SORCS1: variants seen among roughly 807,000 people sequenced by gnomAD.
SORCS1 encodes the protein sortilin related VPS10 domain containing receptor 1.
Under a neutral mutation model 146.1 loss-of-function variants are expected in SORCS1, and 60 were observed. The observed-to-expected ratio is 0.41, with a 90% CI of 0.33 to 0.51. The LOEUF (loss-of-function observed/expected upper bound fraction) is 0.51. Among genes scored for constraint, SORCS1 ranks in the 20% least tolerant of loss-of-function variants. The probability of loss-of-function intolerance (pLI) is 0.21; values close to 1 mark genes in which losing one functional copy is unlikely to be tolerated. For synonymous variants in SORCS1, 637 were observed against 584.0 expected (o/e 1.09, Z -1.31); for missense variants, 1,352 against 1,487.6 (o/e 0.91, Z 1.50).
chr10:106,578,920 T>C, intron 25 of SORCS1: 3 of 1,422,076 alleles, frequency 2.1e-6, no homozygotes, highest in Non-Finnish European at 2.7e-6. Context: ...GAGGTTTGTT[T>C]GTTTTTCCCC....
intron 18 of SORCS1, among the ~76,000 whole-genome samples, chr10:106,632,488 G>A (rs553205953): frequency 1.3e-4 from 20 of 152,184 alleles, no homozygotes; most frequent in East Asian, 1.9e-4. Context: ...ATAAGAAACC[G>A]AGCAAAGGGA....
chr10:107,010,226 T>C (rs11193161), intron 1 of SORCS1, among the ~76,000 whole-genome samples: 25,562 of 152,216 alleles, frequency 0.17, 5,742 homozygotes, highest in African/African-American at 0.52. Context: ...GTTTTAATAC[T>C]TTCTAAAGGA....
chr10:106,577,097 T>C lies in SORCS1; in HGVS notation c.*323A>G. 1.3e-6 allele frequency: 1 copy of C among 790,204 alleles called. No individual in the cohort carries two copies. The allele number at this position is 790,204 out of a possible 1,614,324, so 48.9% of individuals were successfully genotyped here. A position where few individuals can be genotyped will look rare whatever the true frequency, so the allele number is the denominator to read the frequency against. ...GGCTTAAAGCTAAAAACCCTTGTTGTCTGTGTCTGAAGAATTAAAAAGTCC... is the reference window on the plus strand; with the variant it reads ...GGCTTAAAGCTAAAAACCCTTGTTGCCTGTGTCTGAAGAATTAAAAAGTCC... On this transcript the variant is annotated 3_prime_UTR_variant, in exon 26 of 26. Transcript: ENST00000263054.
At chr10:106,974,207 A>T (rs1449517480) in intron 1 of SORCS1, among the ~76,000 whole-genome samples, 1 of 152,234 alleles carries the variant, frequency 6.6e-6, no homozygotes, top group Non-Finnish European at 1.5e-5. Flanking sequence ...GCAACAAAAC[A>T]ATGAGTTCTA....
intron 13 of SORCS1, among the ~76,000 whole-genome samples, chr10:106,675,645 T>C (rs929114805): frequency 3.9e-5 from 6 of 152,204 alleles, no homozygotes; most frequent in African/African-American, 1.2e-4. Context: ...GAGTACAAGA[T>C]AGGCTCTTGA....
intron 1 of SORCS1, among the ~76,000 whole-genome samples, chr10:106,997,305 T>C (rs1957041830): frequency 1.3e-5 from 2 of 152,178 alleles, no homozygotes; most frequent in Admixed American, 1.3e-4. Context: ...CACCTCTGTG[T>C]CCCTGACTGT....
intron 1 of SORCS1, among the ~76,000 whole-genome samples, chr10:107,115,470 T>A (rs533194277): frequency 1.3e-5 from 2 of 152,152 alleles, no homozygotes; most frequent in South Asian, 4.1e-4. Context: ...CGTCAACTAA[T>A]CTTTGATGAG....
At chr10:106,994,921 A>G (rs1460648993) in intron 1 of SORCS1, among the ~76,000 whole-genome samples, 1 of 152,184 alleles carries the variant, frequency 6.6e-6, no homozygotes, top group African/African-American at 2.4e-5. Flanking sequence ...GTTTCCTCAT[A>G]AAAGTTAAAT....
intron 17 of SORCS1, among the ~76,000 whole-genome samples, chr10:106,665,986 A>G (rs1851105490): frequency 2.0e-5 from 3 of 151,994 alleles, no homozygotes. Flanking sequence ...GACTACAGGC[A>G]CCCACCACCA....
chr10:106,662,449 T>C (rs774882312), intron 17 of SORCS1, among the ~76,000 whole-genome samples: 1 of 152,202 alleles, frequency 6.6e-6, no homozygotes. Flanking sequence ...TCATGAGCTA[T>C]GCTGTAAGAA....
chr10:106,615,162 G>A (rs1847273355), intron 21 of SORCS1, among the ~76,000 whole-genome samples: 1 of 152,140 alleles, frequency 6.6e-6, no homozygotes, highest in African/African-American at 2.4e-5. Context: ...ACTTACAATT[G>A]TAAATTCCTT....
intron 18 of SORCS1, among the ~76,000 whole-genome samples, chr10:106,633,780 T>C (rs906584228): frequency 4.6e-5 from 7 of 152,322 alleles, no homozygotes; most frequent in African/African-American, 1.4e-4. Context: ...GGGCCTTTGA[T>C]ATCAACATCT....
intron 5 of SORCS1, among the ~76,000 whole-genome samples, chr10:106,759,947 G>A (rs1262715222): frequency 6.6e-6 from 1 of 151,998 alleles, no homozygotes; most frequent in African/African-American, 2.4e-5. Flanking sequence ...ATAGAACAGT[G>A]TGCACAGCTA....
At chr10:106,665,868 T>C (rs1195313737) in intron 17 of SORCS1, among the ~76,000 whole-genome samples, 1 of 152,168 alleles carries the variant, frequency 6.6e-6, no homozygotes, top group East Asian at 1.9e-4. Flanking sequence ...AGACAGAGTC[T>C]CACTCTGCCG....
chr10:106,911,586 C>T (rs1402998044), intron 2 of SORCS1, among the ~76,000 whole-genome samples: 1 of 152,136 alleles, frequency 6.6e-6, no homozygotes, highest in African/African-American at 2.4e-5. Flanking sequence ...TCACTGACCC[C>T]ACTAAATACT....
chr10:106,825,519 G>A (rs990317601), intron 3 of SORCS1, among the ~76,000 whole-genome samples: 12 of 151,762 alleles, frequency 7.9e-5, no homozygotes, highest in Non-Finnish European at 1.5e-4. Flanking sequence ...TGATCCACCC[G>A]CCTCGGCCTC....
intron 2 of SORCS1, among the ~76,000 whole-genome samples, chr10:106,886,077 C>T (rs924761551): frequency 1.3e-5 from 2 of 152,114 alleles, no homozygotes; most frequent in Non-Finnish European, 2.9e-5. Context: ...GCCTGGCCAA[C>T]ATGGTGAAAC....
intron 10 of SORCS1, among the ~76,000 whole-genome samples, chr10:106,680,978 C>A (rs748907441): frequency 6.6e-6 from 1 of 152,102 alleles, no homozygotes; most frequent in Non-Finnish European, 1.5e-5. Context: ...TTCTTTACTG[C>A]CAACAAAGTA....
chr10:106,883,738 G>A (rs575132295), intron 2 of SORCS1, among the ~76,000 whole-genome samples: 45 of 152,286 alleles, frequency 3.0e-4, no homozygotes, highest in East Asian at 1.9e-4. Flanking sequence ...CAATGGTCTT[G>A]GTTGTATATC....
Sources: allele counts gnomAD v4.1 joint callset (sites outside exome capture counted in the v4.1 genomes callset), GRCh38; gene constraint gnomAD v4.1.1; transcripts MANE v1.5; gene names NCBI Gene and HGNC (gene_info 2026-07-23, HGNC 2026-07-21).